Variants in ROBO2 observed in about 807,000 individuals in gnomAD.
The protein encoded by ROBO2 is roundabout homolog 2.
ROBO2 carries 53 observed loss-of-function variants against 160.8 expected under a neutral mutation model. The ratio of observed to expected loss-of-function variants is 0.33; its 90% CI spans 0.26 to 0.41. The LOEUF (loss-of-function observed/expected upper bound fraction) is 0.41. Among genes scored for constraint, ROBO2 ranks in the 10% least tolerant of loss-of-function variants. ROBO2 has a pLI of 1.00. For missense variants in ROBO2, 1,577 were observed against 1,722.4 expected (o/e 0.92, Z 1.49); for synonymous variants, 664 against 611.7 (o/e 1.09, Z -1.26).
At chr3:77,408,557 A>G (rs1254074090) in intron 2 of ROBO2, among the ~76,000 whole-genome samples, 7 of 152,188 alleles carry the variant, frequency 4.6e-5, no homozygotes, top group Admixed American at 2.6e-4. Flanking sequence ...TTACATGGGT[A>G]AAATCTCTTT....
At chr3:76,396,118 T>A (rs2077432629) in intron 2 of ROBO2, among the ~76,000 whole-genome samples, 1 of 152,110 alleles carries the variant, frequency 6.6e-6, no homozygotes, top group Non-Finnish European at 1.5e-5. Context: ...AAAAAGCTCA[T>A]CCACCATGAT....
At chr3:75,928,861 C>CGTATGT (rs1947398274) in intron 1 of ROBO2, among the ~76,000 whole-genome samples, 1 of 109,020 alleles carries the variant, frequency 9.2e-6, no homozygotes. Flanking sequence ...CTGGATAAGA[C>CGTATGT]GTGTGTGTGT....
intron 2 of ROBO2, among the ~76,000 whole-genome samples, chr3:76,787,107 G>A (rs1028926268): frequency 6.6e-6 from 1 of 151,004 alleles, no homozygotes; most frequent in East Asian, 2.0e-4. Context: ...AACAGCAAGA[G>A]GGAAGTCCGC....
intron 24 of ROBO2, among the ~76,000 whole-genome samples, chr3:77,638,658 G>A (rs1364152897): frequency 6.6e-6 from 1 of 151,922 alleles, no homozygotes; most frequent in African/African-American, 2.4e-5. Flanking sequence ...TCCAAAGCAG[G>A]CATTGCTGAG....
intron 2 of ROBO2, among the ~76,000 whole-genome samples, chr3:76,217,679 C>A (rs1190332027): frequency 6.6e-6 from 1 of 152,012 alleles, no homozygotes; most frequent in African/African-American, 2.4e-5. Context: ...TAATAGCTTA[C>A]CAACCAAAAA....
At chr3:75,980,816 A>G (rs184578879) in intron 2 of ROBO2, among the ~76,000 whole-genome samples, 56 of 151,534 alleles carry the variant, frequency 3.7e-4, no homozygotes, top group African/African-American at 1.2e-3. Flanking sequence ...TTCTCTCACT[A>G]TTTTCTGAAG....
chr3:76,572,256 C>G (rs1231541566), intron 2 of ROBO2, among the ~76,000 whole-genome samples: 1 of 152,078 alleles, frequency 6.6e-6, no homozygotes, highest in Non-Finnish European at 1.5e-5. Context: ...CAGCTAGTAA[C>G]TAGGGAAGCT....
chr3:76,244,924 A>G (rs1705525252), intron 2 of ROBO2, among the ~76,000 whole-genome samples: 1 of 152,220 alleles, frequency 6.6e-6, no homozygotes, highest in African/African-American at 2.4e-5. Flanking sequence ...TGTCAGCCTA[A>G]CATCATCCTT....
chr3:76,064,489 T>C (rs1003732018), intron 2 of ROBO2, among the ~76,000 whole-genome samples: 1 of 152,086 alleles, frequency 6.6e-6, no homozygotes, highest in Non-Finnish European at 1.5e-5. Flanking sequence ...ATTAGAGAAT[T>C]ATGGTTTGGT....
intron 2 of ROBO2, among the ~76,000 whole-genome samples, chr3:77,126,137 G>T (rs980768987): frequency 6.6e-6 from 1 of 152,156 alleles, no homozygotes; most frequent in African/African-American, 2.4e-5. Context: ...CCATTTAGTT[G>T]TTACTAGGTT....
chr3:76,178,870 G>A (rs766992385), intron 2 of ROBO2, among the ~76,000 whole-genome samples: 1 of 152,076 alleles, frequency 6.6e-6, no homozygotes, highest in Non-Finnish European at 1.5e-5. Context: ...GAACCTGAGA[G>A]GCGGAGGTTG....
At chr3:76,702,780 G>C (rs193077857) in intron 2 of ROBO2, among the ~76,000 whole-genome samples, 362 of 151,932 alleles carry the variant, frequency 2.4e-3, no homozygotes, top group Non-Finnish European at 4.4e-3. Context: ...GGAGGAAGGA[G>C]ATAAAACAAA....
intron 2 of ROBO2, among the ~76,000 whole-genome samples, chr3:76,488,835 C>A (rs942459861): frequency 3.9e-5 from 6 of 152,028 alleles, no homozygotes; most frequent in African/African-American, 1.5e-4. Flanking sequence ...CACCTACATT[C>A]AAAGTTAGAA....
At chr3:76,790,619 C>G (rs919964355) in intron 2 of ROBO2, among the ~76,000 whole-genome samples, 2 of 151,738 alleles carry the variant, frequency 1.3e-5, no homozygotes, top group African/African-American at 4.8e-5. Flanking sequence ...GCAAAATTAT[C>G]TAACACGAAG....
At chr3:76,863,558 T>G (rs1456431301) in intron 2 of ROBO2, among the ~76,000 whole-genome samples, 1 of 152,104 alleles carries the variant, frequency 6.6e-6, no homozygotes, top group Admixed American at 6.6e-5. Flanking sequence ...ACATAATAGA[T>G]TCTAATGTAG....
intron 2 of ROBO2, among the ~76,000 whole-genome samples, chr3:77,204,750 C>CA (rs1209944474): frequency 6.6e-6 from 1 of 152,180 alleles, no homozygotes; most frequent in Non-Finnish European, 1.5e-5. Flanking sequence ...TCCACCACAA[C>CA]AAAAACATAC....
At chr3:76,324,966 C>T (rs1384135585) in intron 2 of ROBO2, among the ~76,000 whole-genome samples, 2 of 152,190 alleles carry the variant, frequency 1.3e-5, no homozygotes, top group Admixed American at 6.5e-5. Context: ...ATTAGCCGGG[C>T]GTGGTGGCAG....
At chr3:76,274,119 T>G (rs1451975146) in intron 2 of ROBO2, among the ~76,000 whole-genome samples, 1 of 152,196 alleles carries the variant, frequency 6.6e-6, no homozygotes, top group Non-Finnish European at 1.5e-5. Context: ...CAATGGCAAT[T>G]AAATGTTATC....
intron 2 of ROBO2, among the ~76,000 whole-genome samples, chr3:76,226,104 A>T (rs1263391794): frequency 6.6e-6 from 1 of 152,220 alleles, no homozygotes; most frequent in East Asian, 1.9e-4. Context: ...AAACCCTGAG[A>T]TTCCTTAAAA....
Sources: allele counts gnomAD v4.1 joint callset (sites outside exome capture counted in the v4.1 genomes callset), GRCh38; gene constraint gnomAD v4.1.1; transcripts MANE v1.5; gene names NCBI Gene and HGNC (gene_info 2026-07-23, HGNC 2026-07-21).